The following FHOD3 variants were observed in gnomAD, a reference collection of about 807,000 sequenced individuals.
FHOD3 encodes the protein formin homology 2 domain containing 3, also known as FH1/FH2 domain-containing protein 3.
Under a neutral mutation model 173.0 loss-of-function variants are expected in FHOD3, and 90 were observed. The observed-to-expected ratio is 0.52, with a 90% CI of 0.44 to 0.62. FHOD3 has a LOEUF of 0.62. Ranked by LOEUF, FHOD3 falls within the 20% of genes least tolerant of loss-of-function variation. The probability of loss-of-function intolerance (pLI) is 0.00; values close to 1 mark genes in which losing one functional copy is unlikely to be tolerated. For synonymous variants in FHOD3, 828 were observed against 823.0 expected, an observed-to-expected ratio of 1.01 and a Z score of -0.10; for missense variants, 1,945 against 2,034.7, an observed-to-expected ratio of 0.96 and a Z score of 0.85.
rs1407097012 is a variant in FHOD3, at chr18:36,755,124, A to G, written c.4238A>G (p.His1413Arg). 3.2e-6 allele frequency: 5 copies of G among 1,565,608 alleles called. No individual in the cohort carries two copies. In the African/African-American group the frequency reaches 6.9e-5, roughly 22 times the overall value. ...TTACTGTTTTTTCCTTGCAGATTCC[A>G]CTCCTTTTTACTCTTTATGGGCCAT... The part of the protein sequence containing the change: ...IVHRRIINRF[H>R]SFLLFMGHPP... The change falls in exon 25 of 29, where the codon CAC (histidine) becomes CGC (arginine). Residue 1413 changes from histidine to arginine, a missense_variant. Coordinates refer to ENST00000590592, the MANE Select transcript of FHOD3 (RefSeq NM_001281740.3).
At chr18:36,529,802 A>G (rs549791604) in intron 5 of FHOD3, among the ~76,000 whole-genome samples, 55 of 152,242 alleles carry the variant, frequency 3.6e-4, no homozygotes, top group Admixed American at 1.3e-3. Context: ...TCTGTCTCAA[A>G]AAATAAAAAT....
At position 36,750,588 on chromosome 18, in the gene FHOD3, T is replaced by C. The variant is rs79042667; in HGVS notation, c.4232+3453T>C. Among the ~76,000 whole-genome samples, 387 of 152,266 alleles carry C rather than the reference T, an allele frequency of 2.5e-3. 2 individuals carry two copies. Among genetic ancestry groups the C allele is most frequent in the African/African-American group, 8.9e-3 (371 of 41,556 alleles). ...CCTGTTCCTATGTCCAGGATGGTATTGCCTAGGTTGTCTCCCAGGGTTTTT... is the reference window on the plus strand; with the variant it reads ...CCTGTTCCTATGTCCAGGATGGTATCGCCTAGGTTGTCTCCCAGGGTTTTT... On this transcript the variant is annotated intron_variant, in intron 24 of 28. Transcript: ENST00000590592.
chr18:36,318,400 A>G (rs1054213708), intron 1 of FHOD3, among the ~76,000 whole-genome samples: 10 of 152,080 alleles, frequency 6.6e-5, no homozygotes, highest in Non-Finnish European at 1.5e-4. Flanking sequence ...CTTTTATTTC[A>G]TTGAGCAGTG....
Position 36,390,545 on chromosome 18 carries a change from G to T in FHOD3, c.337+17801G>T, listed in dbSNP as rs143539387. Among the ~76,000 whole-genome samples, 123 of 152,246 alleles carry T rather than the reference G, an allele frequency of 8.1e-4. 2 individuals are homozygous for T. The highest frequency in any genetic ancestry group is 2.8e-3 in the African/African-American group (117 of 41,558). On this transcript the variant is annotated intron_variant, in intron 3 of 28. Coordinates refer to ENST00000590592, the MANE Select transcript of FHOD3 (RefSeq NM_001281740.3). Reference sequence around the variant, plus strand: ...TGAGCTCTGCTGGTTTTGATTTTCTGCAAGCACATTCTGTACCTGGATTTT... The same window carrying T: ...TGAGCTCTGCTGGTTTTGATTTTCTTCAAGCACATTCTGTACCTGGATTTT...
intron 5 of FHOD3, among the ~76,000 whole-genome samples, chr18:36,519,189 G>GACCCC: frequency 6.6e-6 from 1 of 152,196 alleles, no homozygotes; most frequent in Non-Finnish European, 1.5e-5. Context: ...GCCTGTACGG[G>GACCCC]TGCAGAGGAC....
intron 3 of FHOD3, among the ~76,000 whole-genome samples, chr18:36,375,524 C>G (rs1405525810): frequency 6.6e-6 from 1 of 152,200 alleles, no homozygotes; most frequent in African/African-American, 2.4e-5. Flanking sequence ...ATTCTCTTCT[C>G]CTTCATTCCT....
intron 14 of FHOD3, among the ~76,000 whole-genome samples, chr18:36,658,836 C>T (rs1028323164): frequency 6.6e-6 from 1 of 152,212 alleles, no homozygotes; most frequent in Non-Finnish European, 1.5e-5. Flanking sequence ...TTCCAGCTCA[C>T]TCACTTGGAA....
intron 27 of FHOD3, 28 bp downstream of exon 27, chr18:36,760,810 T>C (rs374450746): frequency 1.5e-5 from 24 of 1,584,122 alleles, no homozygotes; most frequent in African/African-American, 2.7e-5. Context: ...GGGGCTCGTC[T>C]TGTCTTCTCA....
chr18:36,780,209 G>C lies in FHOD3; in HGVS notation c.*679G>C, dbSNP rs2043971258. 2.3e-5 allele frequency: 28 copies of C among 1,231,178 alleles called. No homozygotes were observed. The highest frequency in any genetic ancestry group is 2.8e-5 in the Non-Finnish European group (28 of 987,492). 76.3% of individuals were successfully genotyped at this position (1,231,178 alleles called of 1,614,324 possible). A position where few individuals can be genotyped will look rare whatever the true frequency, so the allele number is the denominator to read the frequency against. On this transcript the variant is annotated 3_prime_UTR_variant, in exon 29 of 29. Coordinates refer to ENST00000590592, the MANE Select transcript of FHOD3 (RefSeq NM_001281740.3). ...TTGGGCTGTATTTTGTTAATAGAGT[G>C]AGTAACATCAACAGTGTGCTCTTTG...
At chr18:36,596,321 A>ATTTTTTT (rs539907617) in intron 7 of FHOD3, among the ~76,000 whole-genome samples, 18 of 57,500 alleles carry the variant, frequency 3.1e-4, no homozygotes, top group East Asian at 5.5e-4. Context: ...TGCCCAGCTA[A>ATTTTTTT]TTTTTTTTTT....
At chr18:36,632,415 T>C (rs765928488) in intron 10 of FHOD3, among the ~76,000 whole-genome samples, 7 of 152,256 alleles carry the variant, frequency 4.6e-5, no homozygotes, top group African/African-American at 7.2e-5. Flanking sequence ...CCTATTTTAA[T>C]TGACCTACAA....
intron 5 of FHOD3, among the ~76,000 whole-genome samples, chr18:36,521,242 G>A (rs114522930): frequency 2.6e-5 from 4 of 152,150 alleles, no homozygotes; most frequent in African/African-American, 9.6e-5. Context: ...TTCTAACCCT[G>A]TGATTTCCCC....
intron 5 of FHOD3, among the ~76,000 whole-genome samples, chr18:36,556,614 T>C (rs1295660696): frequency 6.6e-6 from 1 of 152,230 alleles, no homozygotes; most frequent in Non-Finnish European, 1.5e-5. Context: ...TCCCAGTCTT[T>C]GTGCCTGTTG....
At chr18:36,340,347 G>C (rs985526688) in intron 1 of FHOD3, among the ~76,000 whole-genome samples, 1 of 152,190 alleles carries the variant, frequency 6.6e-6, no homozygotes, top group Non-Finnish European at 1.5e-5. Flanking sequence ...AGCAGGATAC[G>C]CTTGGGACCC....
At chr18:36,626,812 C>T (rs2148814565) in intron 10 of FHOD3, among the ~76,000 whole-genome samples, 1 of 152,296 alleles carries the variant, frequency 6.6e-6, no homozygotes, top group South Asian at 2.1e-4. Context: ...TATATCCCTC[C>T]TCTCCATCTC....
chr18:36,471,235 C>T (rs116282373), intron 3 of FHOD3, among the ~76,000 whole-genome samples: 1 of 152,266 alleles, frequency 6.6e-6, no homozygotes, highest in African/African-American at 2.4e-5. Flanking sequence ...ATAGGAGTGT[C>T]CTGAGCTGGT....
At position 36,779,494 on chromosome 18, in the gene FHOD3, C is replaced by T. The variant is rs1243102882; in HGVS notation, c.4833C>T (p.Ala1611=). The T allele has an allele frequency of 6.2e-7, 1 of 1,614,122 alleles. No homozygotes were observed. Residue 1611 remains alanine, a synonymous_variant, in exon 29 of 29, where the codon GCC becomes GCT. Transcript: ENST00000590592. The stretch of plus-strand genomic sequence containing the variant: ...GCCTGACCCCAGAAGAAGCCAGAGC[C>T]CTGGGCTTGGTTGGCACCTCGGAGT... The part of the protein sequence containing the change: ...KSGLTPEEAR[A]LGLVGTSELQ...
intron 6 of FHOD3, among the ~76,000 whole-genome samples, chr18:36,577,876 C>G (rs2058712567): frequency 6.6e-6 from 1 of 152,148 alleles, no homozygotes; most frequent in South Asian, 2.1e-4. Flanking sequence ...CTGGTTTCTG[C>G]CGGGGTGTGG....
chr18:36,356,307 T>A (rs919853420), intron 2 of FHOD3, among the ~76,000 whole-genome samples: 2 of 152,242 alleles, frequency 1.3e-5, no homozygotes, highest in African/African-American at 4.8e-5. Context: ...TACCTAGAAT[T>A]GCTTAATACT....
Sources: gnomAD v4.1 joint callset for allele counts (sites outside exome capture counted in the v4.1 genomes callset) on GRCh38, gnomAD v4.1.1 for gene constraint, MANE v1.5 for transcripts, NCBI Gene and HGNC (gene_info 2026-07-23, HGNC 2026-07-21) for gene names.